The following DCST1 variants were observed in gnomAD, a reference collection of about 807,000 sequenced individuals.
DCST1 encodes DC-STAMP domain containing 1.
In DCST1, 78 loss-of-function variants were observed where a neutral mutation model predicts 89.1. That is an observed-to-expected ratio of 0.88 (90% CI 0.73 to 1.06). The LOEUF is 1.06. Among genes scored for constraint, DCST1 ranks in the 50% least tolerant of loss-of-function variants. The pLI, the probability that DCST1 is intolerant of heterozygous loss-of-function variation, is 0.00. For missense variants in DCST1, 900 were observed against 928.6 expected (o/e 0.97, Z 0.40); for synonymous variants, 364 against 371.9 (o/e 0.98, Z 0.24).
At position 155,046,358 on chromosome 1, in the gene DCST1, A is replaced by C; in HGVS notation, c.1369-2A>C. 6.2e-7 allele frequency: 1 copy of C among 1,614,152 alleles called. No individual in the cohort carries two copies. Among genetic ancestry groups the C allele is most frequent in the Non-Finnish European group, 8.5e-7 (1 of 1,180,010 alleles). ...GCTCTGCCCCTCCTGCTCCTTGGCC[A>C]GGTGAGGGAGCTCCTGGAGACACTG... On this transcript the variant is annotated splice_acceptor_variant, in intron 12 of 16. Coordinates refer to ENST00000295542, the MANE Select transcript of DCST1 (RefSeq NM_152494.4). LOFTEE classifies it high-confidence loss of function.
Position 155,040,531 on chromosome 1 carries a change from G to A in DCST1, c.438G>A (p.Ser146=), listed in dbSNP as rs1211673853. The A allele has an allele frequency of 3.1e-6, 5 of 1,594,700 alleles. No homozygotes were observed. Among genetic ancestry groups the A allele is most frequent in the South Asian group, 1.1e-5 (1 of 87,846 alleles). The change falls in exon 6 of 17, where the codon TCG becomes TCA. Residue 146 remains serine, a synonymous_variant. Coordinates refer to ENST00000295542, the MANE Select transcript of DCST1 (RefSeq NM_152494.4). ...LRHNLNNVIA[S]LGCTVELQIN... ...ACAATCTCAACAACGTGATCGCATC[G>A]CTGGGCTGCACCGTGGAGCTGCAGA... is the stretch of plus-strand genomic sequence containing the variant.
chr1:155,039,507 T>C lies in DCST1; in HGVS notation c.367T>C (p.Tyr123His), dbSNP rs1660370781. 9 of 1,601,066 alleles carry C rather than the reference T, an allele frequency of 5.6e-6. No individual in the cohort carries two copies. The East Asian group carries it at 2.0e-4, about 36-fold the overall frequency. Residue 123 changes from tyrosine to histidine, a missense_variant, in exon 5 of 17, where the codon TAC becomes CAC. Physicochemically the swap from Tyr to His is moderately conservative, Grantham distance 83 (BLOSUM62 2). Coordinates refer to ENST00000295542, the MANE Select transcript of DCST1 (RefSeq NM_152494.4). Reference sequence around the variant, plus strand: ...GGAAGGCAGGCTCTTTGTCCTGGGATACGCCTTGGCTGCCATCTATGTGGG... The same window carrying C: ...GGAAGGCAGGCTCTTTGTCCTGGGACACGCCTTGGCTGCCATCTATGTGGG... ...GKEGRLFVLG[Y>H]ALAAIYVGPV... is the part of the protein sequence containing the mutation.
Position 155,048,038 on chromosome 1 carries a change from A to T in DCST1, c.1756-19A>T. On this transcript the variant is annotated intron_variant, in intron 15 of 16. Coordinates refer to ENST00000295542, the MANE Select transcript of DCST1 (RefSeq NM_152494.4). Reference sequence around the variant, plus strand: ...TGGGGGATGCCTTTCTCTATCATTGACCCCCTTCCTGCCCCCAGCGAGAGA... The same window carrying T: ...TGGGGGATGCCTTTCTCTATCATTGTCCCCCTTCCTGCCCCCAGCGAGAGA... 2 of 1,612,460 alleles carry T rather than the reference A, an allele frequency of 1.2e-6. No homozygotes were observed. Among genetic ancestry groups the T allele is most frequent in the Non-Finnish European group, 1.7e-6 (2 of 1,179,610 alleles).
chr1:155,050,919 C>A lies in DCST1; in HGVS notation c.*51C>A, dbSNP rs1234401078. On this transcript the variant is annotated 3_prime_UTR_variant, in exon 17 of 17. Coordinates refer to ENST00000295542, the MANE Select transcript of DCST1 (RefSeq NM_152494.4). Reference sequence around the variant, plus strand: ...ACCGTCCTTCCCGGTTAATAAAATGCCCTGTACGCTTCACGTGGGTCGGGG... The same window carrying A: ...ACCGTCCTTCCCGGTTAATAAAATGACCTGTACGCTTCACGTGGGTCGGGG... 6.3e-7 allele frequency: 1 copy of A among 1,580,582 alleles called. No individual in the cohort carries two copies. The highest frequency in any genetic ancestry group is 8.6e-7 in the Non-Finnish European group (1 of 1,157,192).
At chr1:155,039,647 C>T in intron 5 of DCST1, 116 bp downstream of exon 5, 1 of 1,350,384 alleles carries the variant, frequency 7.4e-7, no homozygotes, top group South Asian at 1.8e-5. Flanking sequence ...GCTGCTCTAA[C>T]TCACTGTATG....
At chr1:155,035,620 G>GA (rs1158205692) in intron 4 of DCST1, among the ~76,000 whole-genome samples, 23 of 151,800 alleles carry the variant, frequency 1.5e-4, no homozygotes, top group Admixed American at 3.3e-4. Context: ...TCAAAGATCA[G>GA]AAAAAAATAA....
intron 4 of DCST1, 90 bp from the exon 5 acceptor site, chr1:155,039,313 G>A: frequency 1.4e-6 from 2 of 1,430,286 alleles, no homozygotes; most frequent in South Asian, 3.1e-5. Flanking sequence ...GGTTCCAGAA[G>A]GGGGTGTTGC....
rs761233910 is a variant in DCST1 at position 155,045,990 on chromosome 1, C to G, written c.1270C>G (p.Leu424Val). ...CCAGATCGATGACCGCAGGAAGAAG[C>G]TGGTGAGTGGGCACGGCACTGCCCG... ...FCQIDDRRKK[L>V]GKRTLLPLRK... The change falls in exon 11 of 17, where the codon CTG becomes GTG. Residue 424 changes from leucine (L) to valine (V), a missense_variant and splice_region_variant. Coordinates refer to ENST00000295542, the MANE Select transcript of DCST1 (RefSeq NM_152494.4). The G allele has an allele frequency of 9.9e-6, 16 of 1,614,174 alleles. No individual in the cohort carries two copies. In the South Asian group the frequency reaches 1.3e-4, roughly 13 times the overall value.
intron 8 of DCST1, 143 bp from the exon 9 acceptor site, chr1:155,042,592 A>G: frequency 9.3e-6 from 10 of 1,074,658 alleles, no homozygotes; most frequent in African/African-American, 1.6e-5. Flanking sequence ...AGAGAGGGGA[A>G]GACTCAGCAT....
chr1:155,036,813 G>A (rs2102351253), intron 4 of DCST1, among the ~76,000 whole-genome samples: 1 of 152,358 alleles, frequency 6.6e-6, no homozygotes, highest in South Asian at 2.1e-4. Flanking sequence ...CTTTTTGGCT[G>A]ACCTCGAGTG....
intron 2 of DCST1, 21 bp from the exon 3 acceptor site, chr1:155,034,414 G>T: frequency 1.9e-6 from 3 of 1,613,852 alleles, no homozygotes; most frequent in Non-Finnish European, 1.7e-6. Context: ...GGGCTGTTGA[G>T]CTACCCTGTC....
At chr1:155,038,635 G>T (rs1660341347) in intron 4 of DCST1, among the ~76,000 whole-genome samples, 1 of 152,194 alleles carries the variant, frequency 6.6e-6, no homozygotes, top group Non-Finnish European at 1.5e-5. Context: ...GGCCTGGAAT[G>T]CCATCTGCAC....
rs1445199979 is a variant in DCST1 at position 155,047,225 on chromosome 1, GGA to G, written c.1528_1529del (p.Asp510LeufsTer87). 6.2e-7 allele frequency: 1 copy of G among 1,614,092 alleles called. No individual in the cohort carries two copies. Among genetic ancestry groups the G allele is most frequent in the Non-Finnish European group, 8.5e-7 (1 of 1,180,050 alleles). ...SSHKLEVKVG[G>X]DSMLARLLRK... ...TCATAAACTGGAGGTGAAGGTCGGG[GGA>G]GACTCCATGCTAGCCCGGCTTCTTC... On this transcript the variant is annotated frameshift_variant, in exon 14 of 17. Coordinates refer to ENST00000295542, the MANE Select transcript of DCST1 (RefSeq NM_152494.4). LOFTEE classifies it high-confidence loss of function.
At chr1:155,034,261 C>T in intron 2 of DCST1, 164 bp downstream of exon 2, 2 of 1,562,922 alleles carry the variant, frequency 1.3e-6, no homozygotes, top group Non-Finnish European at 1.7e-6. Context: ...TTTGCTGTCC[C>T]TTACACCCAT....
At chr1:155,037,536 C>T (rs1239796367) in intron 4 of DCST1, among the ~76,000 whole-genome samples, 2 of 151,632 alleles carry the variant, frequency 1.3e-5, no homozygotes, top group African/African-American at 2.4e-5. Flanking sequence ...CTCCGCCTCC[C>T]GGGTTCAAGC....
intron 8 of DCST1, among the ~76,000 whole-genome samples, chr1:155,042,412 T>G (rs1462691812): frequency 2.0e-5 from 3 of 152,106 alleles, no homozygotes; most frequent in Non-Finnish European, 4.4e-5. Flanking sequence ...TTAAGGGCTT[T>G]TAAGGATTTA....
chr1:155,042,673 G>A, intron 8 of DCST1, 62 bp from the exon 9 acceptor site: 1 of 1,607,568 alleles, frequency 6.2e-7, no homozygotes, highest in Non-Finnish European at 8.5e-7. Context: ...GGACAGGCAG[G>A]CCAGGCCTGC....
At position 155,050,772 on chromosome 1, in the gene DCST1, C is replaced by T. The variant is rs2102371725; in HGVS notation, c.2025C>T (p.Asp675=). 3 of 1,611,628 alleles carry T rather than the reference C, an allele frequency of 1.9e-6. No individual in the cohort carries two copies. The highest frequency in any genetic ancestry group is 1.7e-6 in the Non-Finnish European group (2 of 1,179,100). ...CCGTGTACTGCTGGTCGTGCTGGGA[C>T]GACATGCGGCAGCGGTGCCCGGTCT... ...CEAVYCWSCW[D]DMRQRCPVCT... is the part of the protein sequence containing the mutation. The change falls in exon 17 of 17, where the codon GAC becomes GAT. Residue 675 remains aspartate (D), a synonymous_variant. Transcript: ENST00000295542.
At chr1:155,042,610 G>A in intron 8 of DCST1, 125 bp from the exon 9 acceptor site, 2 of 1,324,530 alleles carry the variant, frequency 1.5e-6, no homozygotes, top group South Asian at 2.6e-5. Context: ...CATTGGTGTG[G>A]TAGCAAGCCA....
Sources: allele counts gnomAD v4.1 joint callset (sites outside exome capture counted in the v4.1 genomes callset), GRCh38; gene constraint gnomAD v4.1.1; transcripts MANE v1.5; gene names NCBI Gene and HGNC (gene_info 2026-07-23, HGNC 2026-07-21).